SH3GL2: variants seen among roughly 807,000 people sequenced by gnomAD.
The protein encoded by SH3GL2 is endophilin-A1.
A neutral mutation model predicts 46.0 loss-of-function variants in SH3GL2; 24 were observed. That is an observed-to-expected ratio of 0.52 (90% confidence interval 0.38 to 0.73). SH3GL2 has a LOEUF of 0.73. Among genes scored for constraint, SH3GL2 ranks in the 30% least tolerant of loss-of-function variants. SH3GL2 has a pLI of 0.00. For missense variants in SH3GL2, 413 were observed against 424.2 expected, an observed-to-expected ratio of 0.97 and a Z score of 0.23; for synonymous variants, 196 against 147.1, an observed-to-expected ratio of 1.33 and a Z score of -2.40.
intron 1 of SH3GL2, among the ~76,000 whole-genome samples, chr9:17,719,904 A>G (rs192943357): frequency 3.8e-4 from 58 of 151,718 alleles, no homozygotes; most frequent in African/African-American, 1.4e-3. Context: ...TGTATATATA[A>G]TAATAAACTA....
At chr9:17,590,230 C>T (rs1241616194) in intron 1 of SH3GL2, 2 of 152,218 alleles carry the variant, frequency 1.3e-5, no homozygotes, top group African/African-American at 4.8e-5. Flanking sequence ...CATTATTTTA[C>T]TGCTTAAGTG....
At chr9:17,726,583 G>A (rs2025557) in intron 1 of SH3GL2, among the ~76,000 whole-genome samples, 73,131 of 151,878 alleles carry the variant, frequency 0.48, 18,073 homozygotes, top group East Asian at 0.66. Flanking sequence ...ACTACTACAC[G>A]ACACACGAAT....
chr9:17,633,579 G>T (rs370833894), intron 1 of SH3GL2, among the ~76,000 whole-genome samples: 1 of 152,068 alleles, frequency 6.6e-6, no homozygotes, highest in Non-Finnish European at 1.5e-5. Context: ...TTGCACCAAC[G>T]TGTTCTTTAG....
chr9:17,675,090 G>C (rs1820574406), intron 1 of SH3GL2, among the ~76,000 whole-genome samples: 1 of 152,132 alleles, frequency 6.6e-6, no homozygotes, highest in South Asian at 2.1e-4. Context: ...TCTACTTTTT[G>C]AGCATTTTTT....
At chr9:17,781,753 C>T (rs908110536) in intron 3 of SH3GL2, among the ~76,000 whole-genome samples, 4 of 152,114 alleles carry the variant, frequency 2.6e-5, no homozygotes, top group African/African-American at 9.7e-5. Flanking sequence ...CTCAGATTCT[C>T]CAGGTACCTA....
chr9:17,606,730 A>C (rs888860629), intron 1 of SH3GL2, among the ~76,000 whole-genome samples: 1 of 152,148 alleles, frequency 6.6e-6, no homozygotes, highest in Non-Finnish European at 1.5e-5. Flanking sequence ...TCTTTGCTAA[A>C]TTAGGGGAGT....
intron 1 of SH3GL2, among the ~76,000 whole-genome samples, chr9:17,730,085 A>G (rs1822132099): frequency 6.6e-6 from 1 of 152,088 alleles, no homozygotes; most frequent in Non-Finnish European, 1.5e-5. Flanking sequence ...GATTCTTCCT[A>G]TCCATGAGCA....
At chr9:17,732,625 G>T (rs996963950) in intron 1 of SH3GL2, among the ~76,000 whole-genome samples, 1 of 152,076 alleles carries the variant, frequency 6.6e-6, no homozygotes, top group Non-Finnish European at 1.5e-5. Flanking sequence ...GCACAGAGGG[G>T]TTTGGAAGTC....
chr9:17,734,164 C>T (rs527887472), intron 1 of SH3GL2, among the ~76,000 whole-genome samples: 1 of 152,234 alleles, frequency 6.6e-6, no homozygotes, highest in African/African-American at 2.4e-5. Flanking sequence ...TCAAGATCAT[C>T]TGGAATGATG....
At chr9:17,721,492 T>G (rs111772994) in intron 1 of SH3GL2, among the ~76,000 whole-genome samples, 1 of 152,250 alleles carries the variant, frequency 6.6e-6, no homozygotes, top group African/African-American at 2.4e-5. Context: ...TTTTCCATCA[T>G]TTTAAATGGT....
chr9:17,748,038 G>T (rs1357459345), intron 2 of SH3GL2, among the ~76,000 whole-genome samples: 1 of 152,100 alleles, frequency 6.6e-6, no homozygotes, highest in African/African-American at 2.4e-5. Flanking sequence ...TTTAGTTAAG[G>T]CTTAAAAATA....
intron 2 of SH3GL2, among the ~76,000 whole-genome samples, chr9:17,751,817 G>C (rs1408437096): frequency 2.0e-5 from 3 of 152,112 alleles, no homozygotes; most frequent in Non-Finnish European, 4.4e-5. Flanking sequence ...TGGTGTGATG[G>C]GAAAGGAGGA....
chr9:17,697,118 G>A (rs964284086), intron 1 of SH3GL2, among the ~76,000 whole-genome samples: 5 of 152,124 alleles, frequency 3.3e-5, no homozygotes, highest in Non-Finnish European at 5.9e-5. Context: ...TGTGAAAACC[G>A]GGCACTCAGG....
chr9:17,766,394 A>G (rs10810850), intron 3 of SH3GL2, among the ~76,000 whole-genome samples: 2 of 152,178 alleles, frequency 1.3e-5, no homozygotes, highest in Admixed American at 1.3e-4. Context: ...ATTCCATTCT[A>G]CTGGTTGTAA....
rs1046263849 is a variant in SH3GL2, at chr9:17,643,578, C to A, written c.45+64291C>A. 2.6e-5 allele frequency among the ~76,000 whole-genome samples: 4 copies of A among 151,422 alleles called. No homozygotes were observed. In the East Asian group the frequency reaches 7.7e-4, roughly 29 times the overall value. ...TACCGACCTTATGGAGTGTTTTAGT[C>A]ATTGGTTCTGTTTATGTGTTTTTTG... On this transcript the variant is annotated intron_variant, in intron 1 of 8. Transcript: ENST00000380607.
intron 1 of SH3GL2, among the ~76,000 whole-genome samples, chr9:17,646,676 C>T (rs955106663): frequency 6.6e-6 from 1 of 152,196 alleles, no homozygotes; most frequent in African/African-American, 2.4e-5. Context: ...ACTCCAGGCC[C>T]TGTTTGCCTC....
intron 1 of SH3GL2, among the ~76,000 whole-genome samples, chr9:17,593,260 A>G (rs2180905): frequency 0.76 from 115,162 of 152,098 alleles, 43,826 homozygotes; most frequent in African/African-American, 0.79. Context: ...TTTATAGCTG[A>G]TAGGTTAGAA....
chr9:17,695,621 A>G (rs1588248503), intron 1 of SH3GL2, among the ~76,000 whole-genome samples: 1 of 151,544 alleles, frequency 6.6e-6, no homozygotes, highest in South Asian at 2.1e-4. Flanking sequence ...CTTTCTCTGT[A>G]AAAAGCCCTT....
intron 1 of SH3GL2, among the ~76,000 whole-genome samples, chr9:17,720,977 G>C (rs1175707132): frequency 6.6e-6 from 1 of 152,096 alleles, no homozygotes. Context: ...GGTACGACTT[G>C]TGGCACATAA....
Sources: allele counts gnomAD v4.1 joint callset (sites outside exome capture counted in the v4.1 genomes callset), GRCh38; gene constraint gnomAD v4.1.1; transcripts MANE v1.5; gene names NCBI Gene and HGNC (gene_info 2026-07-23, HGNC 2026-07-21).